The following CREB5 variants were observed in gnomAD, a reference collection of about 807,000 sequenced individuals.
The protein encoded by CREB5 is cyclic AMP-responsive element-binding protein 5.
In CREB5, 19 loss-of-function variants were observed where a neutral mutation model predicts 57.1. That is an observed-to-expected ratio of 0.33 (90% confidence interval 0.23 to 0.49). CREB5 has a LOEUF of 0.49. CREB5 is among the 20% of genes least tolerant of loss of function. The pLI is 0.99. For synonymous variants in CREB5, 238 were observed against 238.3 expected, an observed-to-expected ratio of 1.00 and a Z score of 0.01; for missense variants, 579 against 671.6, an observed-to-expected ratio of 0.86 and a Z score of 1.52.
chr7:28,564,370 G>T (rs567230751), intron 4 of CREB5, among the ~76,000 whole-genome samples: 1 of 152,264 alleles, frequency 6.6e-6, no homozygotes, highest in Admixed American at 6.5e-5. Flanking sequence ...ACTTTCAATT[G>T]TGGTCCATTC....
At chr7:28,530,757 CAAAAT>C (rs1455936469) in intron 4 of CREB5, among the ~76,000 whole-genome samples, 1 of 152,158 alleles carries the variant, frequency 6.6e-6, no homozygotes, top group Non-Finnish European at 1.5e-5. Context: ...AAGTGTGTCT[CAAAAT>C]AAACAAGCAG....
At chr7:28,336,377 GT>G (rs1785822271) in intron 1 of CREB5, among the ~76,000 whole-genome samples, 1 of 152,040 alleles carries the variant, frequency 6.6e-6, no homozygotes, top group African/African-American at 2.4e-5. Flanking sequence ...CTTGTTGCTT[GT>G]TATTGGGCTG....
At chr7:28,499,418 T>C (rs1792185657) in intron 3 of CREB5, among the ~76,000 whole-genome samples, 1 of 152,092 alleles carries the variant, frequency 6.6e-6, no homozygotes, top group South Asian at 2.1e-4. Context: ...TCTCATGTGC[T>C]CACACGTGTG....
At position 28,820,293 on chromosome 7, in the gene CREB5, C is replaced by T. The variant is rs1222787603; in HGVS notation, c.*1014C>T. 6.6e-6 allele frequency: 1 copy of T among 152,592 alleles called. No individual in the cohort carries two copies. The highest frequency in any genetic ancestry group is 1.5e-5 in the Non-Finnish European group (1 of 68,040). 9.5% of individuals were successfully genotyped at this position (152,592 alleles called of 1,614,324 possible). A position where few individuals can be genotyped will look rare whatever the true frequency, so the allele number is the denominator to read the frequency against. ...ATAACATGACACCCTTGGATTGCGA[C>T]TGGTTTTATACGGCCTGCCTATAAC... On this transcript the variant is annotated 3_prime_UTR_variant, in exon 11 of 11. Coordinates refer to ENST00000357727, the MANE Select transcript of CREB5 (RefSeq NM_182898.4).
intron 1 of CREB5, among the ~76,000 whole-genome samples, chr7:28,383,648 C>A (rs1286813797): frequency 1.3e-5 from 2 of 152,120 alleles, no homozygotes; most frequent in African/African-American, 4.8e-5. Context: ...AACTCACTCA[C>A]TATTGTGAGT....
At chr7:28,743,862 T>TTTTTTTC (rs1491493758) in intron 7 of CREB5, among the ~76,000 whole-genome samples, 1 of 137,474 alleles carries the variant, frequency 7.3e-6, no homozygotes. Context: ...TTTTTTTTTT[T>TTTTTTTC]ATTATACTCT....
At chr7:28,550,422 G>A (rs1471569681) in intron 4 of CREB5, among the ~76,000 whole-genome samples, 1 of 152,222 alleles carries the variant, frequency 6.6e-6, no homozygotes, top group African/African-American at 2.4e-5. Flanking sequence ...ATGGAGCAAT[G>A]CCTGGTTGTG....
At chr7:28,560,823 C>CGTGTGTGTGTGCGTGCGTGCGCGT (rs1442862711) in intron 4 of CREB5, among the ~76,000 whole-genome samples, 2 of 34,452 alleles carry the variant, frequency 5.8e-5, no homozygotes, top group Non-Finnish European at 1.3e-4. Flanking sequence ...TGTGTGTGTG[C>CGTGTGTGTGTGCGTGCGTGCGCGT]GCGCGCGCGC....
chr7:28,679,349 T>C (rs1007804002), intron 5 of CREB5, among the ~76,000 whole-genome samples: 3 of 152,318 alleles, frequency 2.0e-5, no homozygotes, highest in Middle Eastern at 3.4e-3. Context: ...AGCCCCAAGT[T>C]TTCCTCTCTG....
chr7:28,711,448 ATAT>A (rs990108711), intron 5 of CREB5, among the ~76,000 whole-genome samples: 21 of 152,328 alleles, frequency 1.4e-4, no homozygotes, highest in Admixed American at 7.2e-4. Flanking sequence ...AAAAGGGGAA[ATAT>A]TATATCTGCT....
intron 4 of CREB5, among the ~76,000 whole-genome samples, chr7:28,536,125 G>A (rs180830646): frequency 3.9e-5 from 6 of 152,136 alleles, no homozygotes; most frequent in African/African-American, 1.2e-4. Flanking sequence ...CACGCTGTCT[G>A]CCTATGTCTG....
At chr7:28,560,855 T>TGCGTGCGTGCGCGTGCGTGCGTGC (rs1554344299) in intron 4 of CREB5, among the ~76,000 whole-genome samples, 2 of 56,388 alleles carry the variant, frequency 3.5e-5, no homozygotes, top group Non-Finnish European at 7.0e-5. Context: ...CGCGTGTGTG[T>TGCGTGCGTGCGCGTGCGTGCGTGC]GTGCGTGTGC....
At chr7:28,528,217 G>A (rs142184616) in intron 4 of CREB5, among the ~76,000 whole-genome samples, 144 of 152,288 alleles carry the variant, frequency 9.5e-4, no homozygotes, top group Non-Finnish European at 1.9e-3. Flanking sequence ...GGGGCCCATC[G>A]CTTCTACCTG....
chr7:28,553,613 T>G lies in CREB5; in HGVS notation c.292-16752T>G, dbSNP rs968873611. ...TGTTTTCCTGTCCCTGCAGCCACAC[T>G]GCAGTTTAAGCTTTTTATCGGAGCG... On this transcript the variant is annotated intron_variant, in intron 4 of 10. Transcript: ENST00000357727. Among the ~76,000 whole-genome samples, 3 of 152,236 alleles carry G rather than the reference T, an allele frequency of 2.0e-5. No individual in the cohort carries two copies. The South Asian group carries it at 6.2e-4, about 31-fold the overall frequency.
intron 1 of CREB5, among the ~76,000 whole-genome samples, chr7:28,316,796 A>T (rs1785392905): frequency 6.6e-6 from 1 of 152,086 alleles, no homozygotes; most frequent in South Asian, 2.1e-4. Flanking sequence ...ATACTTTCAA[A>T]ATCTCCTCAC....
chr7:28,683,686 G>A (rs1308313530), intron 5 of CREB5, among the ~76,000 whole-genome samples: 1 of 152,116 alleles, frequency 6.6e-6, no homozygotes, highest in Non-Finnish European at 1.5e-5. Context: ...TCTGAGATCC[G>A]TGCCCGGCAT....
intron 7 of CREB5, among the ~76,000 whole-genome samples, chr7:28,796,115 C>T (rs937529503): frequency 6.6e-6 from 1 of 152,140 alleles, no homozygotes; most frequent in Non-Finnish European, 1.5e-5. Flanking sequence ...TGTTGTGCAA[C>T]TATCATCTTT....
At chr7:28,580,685 A>T (rs1164786570) in intron 5 of CREB5, among the ~76,000 whole-genome samples, 1 of 151,772 alleles carries the variant, frequency 6.6e-6, no homozygotes, top group Non-Finnish European at 1.5e-5. Flanking sequence ...TATTGGGGCC[A>T]CTGCATTCCA....
intron 5 of CREB5, among the ~76,000 whole-genome samples, chr7:28,580,680 G>C (rs936239698): frequency 6.6e-6 from 1 of 151,470 alleles, no homozygotes; most frequent in Non-Finnish European, 1.5e-5. Flanking sequence ...CCTTATATTG[G>C]GGCCACTGCA....
Sources: allele counts gnomAD v4.1 joint callset (sites outside exome capture counted in the v4.1 genomes callset), GRCh38; gene constraint gnomAD v4.1.1; transcripts MANE v1.5; gene names NCBI Gene and HGNC (gene_info 2026-07-23, HGNC 2026-07-21).